Variants in TENM3 observed in about 807,000 individuals in gnomAD.
TENM3 encodes the protein teneurin-3.
In TENM3, 63 loss-of-function variants were observed where a neutral mutation model predicts 255.1. That is an observed-to-expected ratio of 0.25 (90% CI 0.20 to 0.30). The LOEUF (loss-of-function observed/expected upper bound fraction) is 0.30. Among genes scored for constraint, TENM3 ranks in the 10% least tolerant of loss-of-function variants. The probability of loss-of-function intolerance (pLI) is 1.00; values close to 1 mark genes in which losing one functional copy is unlikely to be tolerated. For missense variants in TENM3, 2,929 were observed against 3,461.1 expected, an observed-to-expected ratio of 0.85 and a Z score of 3.86; for synonymous variants, 1,306 against 1,322.3, an observed-to-expected ratio of 0.99 and a Z score of 0.27.
chr4:181,897,829 A>T, the TENM3 span, among the ~76,000 whole-genome samples: 1 of 152,180 alleles, frequency 6.6e-6, no homozygotes, highest in Non-Finnish European at 1.5e-5. Context: ...CTGATCAATA[A>T]ATTTATTCAT....
chr4:182,273,155 T>G, intron 1 of TENM3, among the ~76,000 whole-genome samples: 1 of 152,338 alleles, frequency 6.6e-6, no homozygotes, highest in Non-Finnish European at 1.5e-5. Context: ...ACAAAATAAC[T>G]AACACTGTTT....
intron 4 of TENM3, among the ~76,000 whole-genome samples, chr4:182,614,158 T>C (rs6816484): frequency 0.056 from 8,589 of 152,304 alleles, 266 homozygotes; most frequent in African/African-American, 0.083. Context: ...TTTAAAGTGT[T>C]TATTTTTAAA....
the TENM3 span, among the ~76,000 whole-genome samples, chr4:181,510,540 A>G: frequency 2.6e-5 from 4 of 151,382 alleles, no homozygotes; most frequent in African/African-American, 7.3e-5. Flanking sequence ...ATTACTCAAT[A>G]AAAAACATGA....
chr4:182,610,326 A>G (rs1391740375), intron 4 of TENM3, among the ~76,000 whole-genome samples: 3 of 143,372 alleles, frequency 2.1e-5, no homozygotes, highest in Admixed American at 7.1e-5. Flanking sequence ...GGACCTGCAG[A>G]TGTTTTGCCT....
intron 3 of TENM3, among the ~76,000 whole-genome samples, chr4:182,377,301 G>A (rs1312540455): frequency 1.3e-5 from 2 of 151,974 alleles, no homozygotes; most frequent in East Asian, 3.9e-4. Context: ...GCCACATTTT[G>A]TATTTATTTA....
At chr4:181,452,555 C>A in the TENM3 span, among the ~76,000 whole-genome samples, 1 of 152,128 alleles carries the variant, frequency 6.6e-6, no homozygotes, top group Non-Finnish European at 1.5e-5. Flanking sequence ...GACATGTTTG[C>A]TTCCCCTTCC....
chr4:182,150,941 C>T (rs1750294484), intron 1 of TENM3, among the ~76,000 whole-genome samples: 1 of 152,062 alleles, frequency 6.6e-6, no homozygotes, highest in Admixed American at 6.6e-5. Flanking sequence ...TCTGTTCCCT[C>T]CCCCAAACAG....
At chr4:181,794,114 A>C in the TENM3 span, among the ~76,000 whole-genome samples, 11 of 152,134 alleles carry the variant, frequency 7.2e-5, no homozygotes, top group East Asian at 2.1e-3. Context: ...ATCTTAAGTC[A>C]CTGTTTTTAT....
At chr4:182,467,720 C>G (rs1425225159) in intron 3 of TENM3, among the ~76,000 whole-genome samples, 1 of 152,132 alleles carries the variant, frequency 6.6e-6, no homozygotes, top group Non-Finnish European at 1.5e-5. Context: ...TTGGGTCACC[C>G]CTGCCAGTAG....
Position 182,366,337 on chromosome 4 carries a change from T to A in TENM3, c.511+19408T>A, listed in dbSNP as rs546049036. 7.9e-5 allele frequency among the ~76,000 whole-genome samples: 12 copies of A among 151,910 alleles called. No individual in the cohort carries two copies. The East Asian group carries it at 2.3e-3, about 29-fold the overall frequency. ...ATTTCACTCTAGAGCAAATACTAATTATATTTTTTCTTTATTTATATGTAC... is the reference window on the plus strand; with the variant it reads ...ATTTCACTCTAGAGCAAATACTAATAATATTTTTTCTTTATTTATATGTAC... On this transcript the variant is annotated intron_variant, in intron 3 of 27. Transcript: ENST00000511685.
chr4:182,520,158 T>G (rs1437229969), intron 3 of TENM3, among the ~76,000 whole-genome samples: 1 of 152,112 alleles, frequency 6.6e-6, no homozygotes, highest in Non-Finnish European at 1.5e-5. Context: ...GAACGAAAAT[T>G]GTCTTCGTTT....
chr4:182,475,407 A>G (rs1362076962), intron 3 of TENM3, among the ~76,000 whole-genome samples: 1 of 150,670 alleles, frequency 6.6e-6, no homozygotes, highest in Non-Finnish European at 1.5e-5. Flanking sequence ...AAACTGATCA[A>G]TTTTTTTTTT....
rs146638758 is a variant in TENM3, at chr4:182,557,106, C to T, written c.512-43818C>T. Among the ~76,000 whole-genome samples, 20 of 152,150 alleles carry T rather than the reference C, an allele frequency of 1.3e-4. No individual in the cohort carries two copies. In the East Asian group the frequency reaches 3.5e-3, roughly 26 times the overall value. On this transcript the variant is annotated intron_variant, in intron 3 of 27. Transcript: ENST00000511685. ...ATTTGTTTTTTTGTGGAGCTTTTTT[C>T]GGAGAACTTTAAAACAAAATTATAA...
chr4:182,470,719 G>C lies in TENM3; in HGVS notation c.511+123790G>C, dbSNP rs116319727. Among the ~76,000 whole-genome samples, 612 of 152,280 alleles carry C rather than the reference G, an allele frequency of 4.0e-3. 1 individual carries two copies. The highest frequency in any genetic ancestry group is 0.014 in the African/African-American group (584 of 41,556). ...TCAGTTAGGGTGTATCCATTATGTA[G>C]AAAGCTCTAAAACTTCACCATGGGA... On this transcript the variant is annotated intron_variant, in intron 3 of 27. Coordinates refer to ENST00000511685, the MANE Select transcript of TENM3 (RefSeq NM_001080477.4).
At chr4:182,534,365 AAGATGACGG>A (rs748717567) in intron 3 of TENM3, among the ~76,000 whole-genome samples, 2 of 152,200 alleles carry the variant, frequency 1.3e-5, no homozygotes, top group Non-Finnish European at 2.9e-5. Flanking sequence ...GTTGAGAAAA[AAGATGACGG>A]GCAGAGGGCT....
the TENM3 span, among the ~76,000 whole-genome samples, chr4:182,084,597 T>C: frequency 1.3e-5 from 2 of 152,292 alleles, no homozygotes; most frequent in East Asian, 3.9e-4. Context: ...ACCTTACTTG[T>C]TGACCTGAAA....
At chr4:181,982,136 A>G in the TENM3 span, among the ~76,000 whole-genome samples, 1 of 152,164 alleles carries the variant, frequency 6.6e-6, no homozygotes, top group Admixed American at 6.6e-5. Flanking sequence ...AACAATGTGA[A>G]AGAAAGACGA....
At chr4:181,719,581 A>C in the TENM3 span, among the ~76,000 whole-genome samples, 1 of 152,204 alleles carries the variant, frequency 6.6e-6, no homozygotes, top group South Asian at 2.1e-4. Flanking sequence ...TTAGAAGGGC[A>C]CTAATCCCAT....
At chr4:181,807,845 G>C in the TENM3 span, among the ~76,000 whole-genome samples, 4 of 152,172 alleles carry the variant, frequency 2.6e-5, no homozygotes, top group Non-Finnish European at 5.9e-5. Flanking sequence ...AGTCCCTGTG[G>C]CTTCAGCCAT....
Sources: allele counts gnomAD v4.1 joint callset (sites outside exome capture counted in the v4.1 genomes callset), GRCh38; gene constraint gnomAD v4.1.1; transcripts MANE v1.5; gene names NCBI Gene and HGNC (gene_info 2026-07-23, HGNC 2026-07-21).